PEBP4: variants seen among roughly 807,000 people sequenced by gnomAD.
The protein encoded by PEBP4 is phosphatidylethanolamine binding protein 4, also known as phosphatidylethanolamine-binding protein 4.
Under a neutral mutation model 23.9 loss-of-function variants are expected in PEBP4, and 22 were observed. The ratio of observed to expected loss-of-function variants is 0.92; its 90% confidence interval spans 0.66 to 1.31. The LOEUF (loss-of-function observed/expected upper bound fraction) is 1.31. PEBP4 is among the 40% of genes most tolerant of loss of function. PEBP4 has a pLI of 0.00. For missense variants in PEBP4, 324 were observed against 281.7 expected, an observed-to-expected ratio of 1.15 and a Z score of -1.07; for synonymous variants, 112 against 99.3, an observed-to-expected ratio of 1.13 and a Z score of -0.76.
chr8:22,848,590 T>G (rs1390594681), intron 3 of PEBP4, among the ~76,000 whole-genome samples: 2 of 152,104 alleles, frequency 1.3e-5, no homozygotes, highest in Non-Finnish European at 2.9e-5. Context: ...ATGCACATGG[T>G]CAAATTCCAC....
intron 4 of PEBP4, among the ~76,000 whole-genome samples, chr8:22,805,999 A>ACTGTC (rs1806487366): frequency 6.6e-6 from 1 of 152,038 alleles, no homozygotes; most frequent in Non-Finnish European, 1.5e-5. Flanking sequence ...GATGATATTA[A>ACTGTC]CTGTCTCAAC....
At chr8:22,924,180 T>C (rs1477758351) in intron 2 of PEBP4, among the ~76,000 whole-genome samples, 2 of 151,954 alleles carry the variant, frequency 1.3e-5, no homozygotes, top group Non-Finnish European at 2.9e-5. Flanking sequence ...CTGGACTACA[T>C]ACCGAGACTC....
chr8:22,853,578 G>C (rs1422695124), intron 3 of PEBP4, among the ~76,000 whole-genome samples: 1 of 152,204 alleles, frequency 6.6e-6, no homozygotes, highest in African/African-American at 2.4e-5. Flanking sequence ...GGTAGGAATA[G>C]AGGGAACCAG....
At chr8:22,928,031 T>G (rs1809389098), upstream of PEBP4, 7 of 315,896 alleles carry the variant, frequency 2.2e-5, no homozygotes, top group South Asian at 2.3e-4. Context: ...GGCTGCAAAG[T>G]AGAAGTGCTT....
upstream of PEBP4, among the ~76,000 whole-genome samples, chr8:22,929,967 T>C (rs1007172894): frequency 6.6e-6 from 1 of 152,198 alleles, no homozygotes; most frequent in African/African-American, 2.4e-5. Flanking sequence ...GCTCCCAAAG[T>C]GCTGGGATTA....
intron 4 of PEBP4, among the ~76,000 whole-genome samples, chr8:22,792,291 A>T (rs1276027136): frequency 6.6e-6 from 1 of 152,044 alleles, no homozygotes. Flanking sequence ...CAATATTCCA[A>T]ACAAAGGTGG....
At chr8:22,738,992 G>A (rs1011081816) in intron 4 of PEBP4, among the ~76,000 whole-genome samples, 9 of 152,216 alleles carry the variant, frequency 5.9e-5, no homozygotes, top group African/African-American at 2.2e-4. Flanking sequence ...TGGCCAGGCT[G>A]AAGCTGGGAC....
intron 4 of PEBP4, among the ~76,000 whole-genome samples, chr8:22,748,748 G>C (rs1328542651): frequency 6.6e-6 from 1 of 152,112 alleles, no homozygotes; most frequent in Non-Finnish European, 1.5e-5. Flanking sequence ...AAAAATAGAA[G>C]AGAGCCCCCC....
intron 4 of PEBP4, among the ~76,000 whole-genome samples, chr8:22,760,364 AATT>A (rs1239895112): frequency 1.3e-5 from 2 of 152,140 alleles, no homozygotes; most frequent in Non-Finnish European, 2.9e-5. Context: ...CCCAGACTGT[AATT>A]AAACGTTTAT....
chr8:22,772,616 CT>C (rs1805739032), intron 4 of PEBP4, among the ~76,000 whole-genome samples: 1 of 151,796 alleles, frequency 6.6e-6, no homozygotes, highest in Non-Finnish European at 1.5e-5. Context: ...CTGTCTTGGC[CT>C]CCCAAAGTAG....
intron 2 of PEBP4, among the ~76,000 whole-genome samples, chr8:22,920,776 T>C (rs1809182627): frequency 1.3e-5 from 2 of 152,224 alleles, no homozygotes; most frequent in Non-Finnish European, 2.9e-5. Context: ...TTCAAGGGCA[T>C]AGACCTTCTC....
chr8:22,862,045 C>T (rs186721344), intron 3 of PEBP4, among the ~76,000 whole-genome samples: 149 of 152,224 alleles, frequency 9.8e-4, no homozygotes, highest in African/African-American at 3.3e-3. Flanking sequence ...AACACAAAAG[C>T]GGCCGCTTGA....
chr8:22,933,498 G>T (rs1809491993), intron 1 of PEBP4, among the ~76,000 whole-genome samples: 1 of 152,198 alleles, frequency 6.6e-6, no homozygotes, highest in Non-Finnish European at 1.5e-5. Context: ...TTGAAGCCCA[G>T]GGGGCATTGG....
intron 4 of PEBP4, among the ~76,000 whole-genome samples, chr8:22,739,489 A>G (rs1044143306): frequency 1.3e-5 from 2 of 152,088 alleles, no homozygotes; most frequent in Admixed American, 1.3e-4. Context: ...GAGGGGACCA[A>G]TACACTGGGA....
intron 3 of PEBP4, among the ~76,000 whole-genome samples, chr8:22,912,626 G>C (rs937970): frequency 6.6e-6 from 1 of 151,966 alleles, no homozygotes; most frequent in East Asian, 1.9e-4. Flanking sequence ...TCTATCCATC[G>C]CCCCATGTTG....
intron 3 of PEBP4, among the ~76,000 whole-genome samples, chr8:22,919,944 T>A (rs1165847926): frequency 1.3e-5 from 2 of 152,172 alleles, no homozygotes; most frequent in African/African-American, 4.8e-5. Context: ...GGAAAAGGCC[T>A]GGGCAGAATG....
At chr8:22,763,402 A>G (rs1385311254) in intron 4 of PEBP4, among the ~76,000 whole-genome samples, 2 of 152,226 alleles carry the variant, frequency 1.3e-5, no homozygotes, top group Non-Finnish European at 2.9e-5. Flanking sequence ...CACTGCCTCC[A>G]ATCCCCGACA....
At chr8:22,723,892 G>A (rs370358595) in intron 6 of PEBP4, among the ~76,000 whole-genome samples, 1 of 152,236 alleles carries the variant, frequency 6.6e-6, no homozygotes, top group Non-Finnish European at 1.5e-5. Context: ...TGGGGCCTCC[G>A]GCATCGCGGT....
intron 1 of PEBP4, 43 bp downstream of exon 1, chr8:22,927,780 C>T (rs1809381199): frequency 1.3e-6 from 2 of 1,598,790 alleles, no homozygotes; most frequent in East Asian, 2.3e-5. Flanking sequence ...CTGCCCACTA[C>T]CTGTGCCCCC....
Sources: gnomAD v4.1 joint callset for allele counts (sites outside exome capture counted in the v4.1 genomes callset) on GRCh38, gnomAD v4.1.1 for gene constraint, MANE v1.5 for transcripts, NCBI Gene and HGNC (gene_info 2026-07-23, HGNC 2026-07-21) for gene names.